ADAMTSL1: variants seen among roughly 807,000 people sequenced by gnomAD.
ADAMTSL1 encodes ADAMTS like 1.
Under a neutral mutation model 201.8 loss-of-function variants are expected in ADAMTSL1, and 126 were observed. The observed-to-expected ratio is 0.62, with a 90% CI of 0.54 to 0.72. ADAMTSL1 has a LOEUF of 0.72. Among genes scored for constraint, ADAMTSL1 ranks in the 30% least tolerant of loss-of-function variants. The probability of loss-of-function intolerance (pLI) is 0.00; values close to 1 mark genes in which losing one functional copy is unlikely to be tolerated. For synonymous variants in ADAMTSL1, 1,121 were observed against 903.4 expected (o/e 1.24, Z -4.32); for missense variants, 2,679 against 2,277.8 (o/e 1.18, Z -3.59).
intron 16 of ADAMTSL1, among the ~76,000 whole-genome samples, chr9:18,757,528 C>T (rs760961613): frequency 2.6e-5 from 4 of 152,082 alleles, no homozygotes; most frequent in East Asian, 1.9e-4. Flanking sequence ...CATCCCTCTG[C>T]GCATCTGTCC....
chr9:18,419,731 C>CTTTTT (rs772122083), intron 2 of ADAMTSL1, among the ~76,000 whole-genome samples: 1 of 125,320 alleles, frequency 8.0e-6, no homozygotes, highest in Non-Finnish European at 1.7e-5. Flanking sequence ...ATTTATTTGA[C>CTTTTT]TTTTTTTTTT....
intron 1 of ADAMTSL1, among the ~76,000 whole-genome samples, chr9:17,973,098 C>T (rs1818283166): frequency 3.2e-5 from 2 of 62,528 alleles, no homozygotes. Flanking sequence ...CAAAAATTTT[C>T]TCCCATTCTG....
chr9:18,040,772 A>G (rs1369176299), intron 1 of ADAMTSL1, among the ~76,000 whole-genome samples: 6 of 152,180 alleles, frequency 3.9e-5, no homozygotes, highest in African/African-American at 1.2e-4. Context: ...AATGAAAAAA[A>G]AAATACTTTG....
chr9:17,998,026 C>T (rs368371040), intron 1 of ADAMTSL1, among the ~76,000 whole-genome samples: 11 of 151,900 alleles, frequency 7.2e-5, no homozygotes, highest in East Asian at 1.9e-4. Context: ...GATCACTCTC[C>T]GTTAATAAAA....
chr9:18,525,256 T>C (rs1439279589), intron 2 of ADAMTSL1, among the ~76,000 whole-genome samples: 1 of 152,198 alleles, frequency 6.6e-6, no homozygotes, highest in Admixed American at 6.5e-5. Context: ...TCTCTGATGG[T>C]AGTTTGTATT....
chr9:18,706,825 G>A lies in ADAMTSL1; in HGVS notation c.1653G>A (p.Val551=), dbSNP rs1564166875. 1 of 1,611,296 alleles carries A rather than the reference G, an allele frequency of 6.2e-7. No individual in the cohort carries two copies. The part of the protein sequence containing the change: ...GTQVRIVRCQ[V]LLSFSQSVAD... Reference sequence around the variant, plus strand: ...AGGTGCGAATAGTCAGGTGCCAGGTGCTCCTGTCTTTCTCTCAGTCCGTGG... The same window carrying A: ...AGGTGCGAATAGTCAGGTGCCAGGTACTCCTGTCTTTCTCTCAGTCCGTGG... The change falls in exon 14 of 29, where the codon GTG becomes GTA. Residue 551 remains valine (V), a synonymous_variant. Coordinates refer to ENST00000380548, the MANE Select transcript of ADAMTSL1 (RefSeq NM_001040272.6).
intron 1 of ADAMTSL1, among the ~76,000 whole-genome samples, chr9:18,075,970 C>G (rs1315864218): frequency 6.6e-6 from 1 of 152,206 alleles, no homozygotes; most frequent in African/African-American, 2.4e-5. Flanking sequence ...AATAAACACT[C>G]ACCTAAGTAA....
At chr9:18,624,017 G>T (rs960324532) in intron 5 of ADAMTSL1, among the ~76,000 whole-genome samples, 1 of 152,174 alleles carries the variant, frequency 6.6e-6, no homozygotes, top group Non-Finnish European at 1.5e-5. Context: ...AATATTCTCA[G>T]AAGTCCTGAA....
chr9:18,526,853 T>C (rs1354222249), intron 2 of ADAMTSL1, among the ~76,000 whole-genome samples: 1 of 152,160 alleles, frequency 6.6e-6, no homozygotes, highest in Non-Finnish European at 1.5e-5. Context: ...CCGCTTATCT[T>C]GTTCTAATCT....
At chr9:18,532,755 A>G (rs952032880) in intron 2 of ADAMTSL1, among the ~76,000 whole-genome samples, 1 of 151,450 alleles carries the variant, frequency 6.6e-6, no homozygotes, top group South Asian at 2.1e-4. Flanking sequence ...AAACCTCTGT[A>G]ATGAGTATAT....
At chr9:18,908,345 T>G in intron 28 of ADAMTSL1, 97 bp from the exon 29 acceptor site, 1 of 1,061,958 alleles carries the variant, frequency 9.4e-7, no homozygotes, top group Non-Finnish European at 1.4e-6. Context: ...CCCCAGTGGC[T>G]GAAACCCCCG....
chr9:18,582,162 G>T (rs1317066638), intron 4 of ADAMTSL1, among the ~76,000 whole-genome samples: 1 of 152,150 alleles, frequency 6.6e-6, no homozygotes, highest in Non-Finnish European at 1.5e-5. Flanking sequence ...TTAGCAAATG[G>T]TTATCTAGCC....
chr9:17,980,586 C>A (rs906353801), intron 1 of ADAMTSL1, among the ~76,000 whole-genome samples: 1 of 151,948 alleles, frequency 6.6e-6, no homozygotes, highest in African/African-American at 2.4e-5. Flanking sequence ...CTAACCCCAG[C>A]ATGATGGTGT....
At chr9:18,228,065 C>A (rs1385959638) in intron 2 of ADAMTSL1, among the ~76,000 whole-genome samples, 1 of 152,156 alleles carries the variant, frequency 6.6e-6, no homozygotes, top group Non-Finnish European at 1.5e-5. Context: ...AATATAAGCC[C>A]AATAGCCACG....
intron 2 of ADAMTSL1, among the ~76,000 whole-genome samples, chr9:18,436,928 A>G (rs1372015901): frequency 6.6e-6 from 1 of 152,110 alleles, no homozygotes; most frequent in African/African-American, 2.4e-5. Flanking sequence ...GGAAAAGTTG[A>G]CCCACCATAA....
intron 2 of ADAMTSL1, among the ~76,000 whole-genome samples, chr9:18,164,511 T>C (rs1400305482): frequency 6.6e-6 from 1 of 151,778 alleles, no homozygotes; most frequent in Non-Finnish European, 1.5e-5. Flanking sequence ...TACAGTTGAC[T>C]GGAGATGTCA....
chr9:18,342,163 C>A lies in ADAMTSL1; in HGVS notation c.208-162666C>A, dbSNP rs190747447. ...AATTTTTCTTCTCCCAGTGTCTATA[C>A]GTGGGGCTAGTCCCTGATTCGTAGA... On this transcript the variant is annotated intron_variant, in intron 2 of 29. Transcript: ENST00000680146. Among the ~76,000 whole-genome samples, 72 of 152,204 alleles carry A rather than the reference C, an allele frequency of 4.7e-4. No individual in the cohort carries two copies. In the South Asian group the frequency reaches 0.013, roughly 28 times the overall value.
intron 1 of ADAMTSL1, among the ~76,000 whole-genome samples, chr9:18,058,486 T>C (rs1221421771): frequency 6.6e-6 from 1 of 152,206 alleles, no homozygotes; most frequent in African/African-American, 2.4e-5. Context: ...ATTTGTTACA[T>C]TTCAGAATAT....
At chr9:18,826,598 A>C (rs1048657006) in intron 22 of ADAMTSL1, 135 bp downstream of exon 22, 6 of 1,077,884 alleles carry the variant, frequency 5.6e-6, no homozygotes, top group Non-Finnish European at 7.8e-6. Flanking sequence ...CTTCTTCCCA[A>C]TTTAGGGCCT....
Sources: allele counts gnomAD v4.1 joint callset (sites outside exome capture counted in the v4.1 genomes callset), GRCh38; gene constraint gnomAD v4.1.1; transcripts MANE v1.5; gene names NCBI Gene and HGNC (gene_info 2026-07-23, HGNC 2026-07-21).